The following MAP7D3 variants were observed in gnomAD, a reference collection of about 807,000 sequenced individuals.
MAP7D3 encodes the protein MAP7 domain containing 3.
MAP7D3 carries 45 observed loss-of-function variants against 62.2 expected under a neutral mutation model. The observed-to-expected ratio is 0.72, with a 90% CI of 0.57 to 0.93. MAP7D3 has a LOEUF of 0.93. MAP7D3 is among the 40% of genes least tolerant of loss of function. The probability of loss-of-function intolerance (pLI) is 0.00; values close to 1 mark genes in which losing one functional copy is unlikely to be tolerated. For missense variants in MAP7D3, 711 were observed against 683.1 expected (o/e 1.04, Z -0.45); for synonymous variants, 288 against 248.8 (o/e 1.16, Z -1.48).
intron 6 of MAP7D3, among the ~76,000 whole-genome samples, chrX:136,239,216 G>A (rs758008317): frequency 4.6e-4 from 52 of 111,870 alleles, no homozygotes; most frequent in Non-Finnish European, 9.2e-4. Flanking sequence ...CTACAAGCCA[G>A]ACATGGTTAT....
chrX:136,222,347 C>A, intron 15 of MAP7D3, 46 bp downstream of exon 15: 1 of 994,932 alleles, frequency 1.0e-6, no homozygotes, highest in South Asian at 2.0e-5. Context: ...GCAGAGGAGC[C>A]CCTGGATATG....
At chrX:136,251,593 C>G (rs1182227008), upstream of MAP7D3, 4 of 804,870 alleles carry the variant, frequency 5.0e-6, no homozygotes, top group African/African-American at 6.7e-5. Context: ...GAAACCCTCT[C>G]CTATGTTCCG....
chrX:136,239,593 G>A (rs1345511911), intron 6 of MAP7D3, among the ~76,000 whole-genome samples: 3 of 112,064 alleles, frequency 2.7e-5, no homozygotes, highest in Non-Finnish European at 5.6e-5. Context: ...ATACTTGTCT[G>A]TCAATTTTCT....
At position 136,251,339 on chromosome X, in the gene MAP7D3, G is replaced by A; in HGVS notation, c.20C>T (p.Ala7Val). The A allele has an allele frequency of 8.9e-7, 1 of 1,127,314 alleles. No homozygotes were observed. Among genetic ancestry groups the A allele is most frequent in the Non-Finnish European group, 1.2e-6 (1 of 859,424 alleles). The allele number at this position is 1,127,314 out of a possible 1,213,427, so 92.9% of individuals were successfully genotyped here. MMADGAAAGAGGSPSLR... is the reference protein window; with the variant it reads MMADGAVAGAGGSPSLR... ...GGATGGGCTGCCGCCAGCGCCAGCT[G>A]CGGCGCCGTCCGCCATCATCGGAGT... The change falls in exon 1 of 19, where the codon GCA (alanine) becomes GTA (valine). Residue 7 changes from alanine to valine, a missense_variant. Physicochemically the swap from Ala to Val is moderately conservative, Grantham distance 64 (BLOSUM62 0). Coordinates refer to ENST00000316077, the MANE Select transcript of MAP7D3 (RefSeq NM_024597.4).
chrX:136,247,474 G>C (rs967426381), intron 1 of MAP7D3, among the ~76,000 whole-genome samples: 2 of 111,318 alleles, frequency 1.8e-5, no homozygotes, highest in African/African-American at 6.5e-5. Context: ...GGGAATAGAG[G>C]GGCTGTCCTT....
chrX:136,234,135 A>G (rs963331379), intron 7 of MAP7D3, among the ~76,000 whole-genome samples: 1 of 110,730 alleles, frequency 9.0e-6, no homozygotes, highest in African/African-American at 3.3e-5. Flanking sequence ...ACTAACAGAG[A>G]AAAAGCAAAG....
chrX:136,224,855 G>A lies in MAP7D3; in HGVS notation c.2165C>T (p.Thr722Ile). ...TGAGGCATTCACATCTGTCTTTCTT[G>A]TCCGCTTCATAATTTCTTCTATTCT... is the stretch of plus-strand genomic sequence containing the variant. ...KKRIEEIMKR[T>I]RKTDVNASKV... Residue 722 changes from threonine to isoleucine, a missense_variant, in exon 14 of 19, where the codon ACA (threonine) becomes ATA (isoleucine). Transcript: ENST00000316077. The A allele has an allele frequency of 8.5e-7, 1 of 1,177,936 alleles. No individual in the cohort carries two copies. Among genetic ancestry groups the A allele is most frequent in the Non-Finnish European group, 1.2e-6 (1 of 865,017 alleles).
At chrX:136,240,032 A>G (rs1402326153) in intron 6 of MAP7D3, among the ~76,000 whole-genome samples, 1 of 110,868 alleles carries the variant, frequency 9.0e-6, no homozygotes, top group Non-Finnish European at 1.9e-5. Context: ...AACATGGTGA[A>G]ACCCCGTCTC....
upstream of MAP7D3, among the ~76,000 whole-genome samples, chrX:136,252,676 C>CAAAAAAAAAA (rs770751343): frequency 3.5e-3 from 125 of 35,892 alleles, no homozygotes; most frequent in African/African-American, 3.9e-3. Flanking sequence ...GACTCTGTCT[C>CAAAAAAAAAA]AAAAAAAAAA....
upstream of MAP7D3, among the ~76,000 whole-genome samples, chrX:136,253,018 A>G (rs1282149310): frequency 9.0e-6 from 1 of 111,087 alleles, no homozygotes; most frequent in African/African-American, 3.3e-5. Flanking sequence ...GAATCGCTTG[A>G]ACCCGGGAGG....
chrX:136,228,268 A>G (rs1447785401), intron 11 of MAP7D3, among the ~76,000 whole-genome samples: 1 of 112,184 alleles, frequency 8.9e-6, no homozygotes, highest in Non-Finnish European at 1.9e-5. Context: ...CAAGTCTTTT[A>G]AATAAAGGGC....
intron 6 of MAP7D3, among the ~76,000 whole-genome samples, chrX:136,238,287 T>C (rs1211082662): frequency 8.9e-6 from 1 of 111,938 alleles, no homozygotes; most frequent in Admixed American, 9.5e-5. Flanking sequence ...TCTAGATTCC[T>C]GAGGAATCGC....
At chrX:136,241,363 C>T in intron 4 of MAP7D3, 86 bp from the exon 5 acceptor site, 1 of 526,125 alleles carries the variant, frequency 1.9e-6, no homozygotes, top group African/African-American at 2.4e-5. Flanking sequence ...AAACCATAAC[C>T]AAATTTCTGT....
In MAP7D3 at chrX:136,244,735, T is replaced by G; in HGVS notation, c.314A>C (p.Gln105Pro). ...ERKTKLQYEK[Q>P]MEERQRKLKE... Reference sequence around the variant, plus strand: ...CAGCTTTCTCTGTCTTTCCTCCATCTGTTTTTCATATTGGAGCTTGGTCTT... The same window carrying G: ...CAGCTTTCTCTGTCTTTCCTCCATCGGTTTTTCATATTGGAGCTTGGTCTT... The change falls in exon 4 of 19, where the codon CAG becomes CCG. Residue 105 changes from glutamine to proline, a missense_variant. Transcript: ENST00000316077. The G allele has an allele frequency of 8.3e-7, 1 of 1,202,552 alleles. No homozygotes were observed. Among genetic ancestry groups the G allele is most frequent in the South Asian group, 1.8e-5 (1 of 56,406 alleles).
intron 6 of MAP7D3, among the ~76,000 whole-genome samples, chrX:136,239,121 C>T (rs1266360558): frequency 9.0e-6 from 1 of 111,374 alleles, no homozygotes; most frequent in African/African-American, 3.3e-5. Context: ...CCTTTTTTTC[C>T]TCTAGAAAGA....
rs1194038671 is a variant in MAP7D3 at position 136,230,424 on chromosome X, T to C, written c.1711A>G (p.Arg571Gly). ...KKETVSKTTN[R>G]CEALSQRHMI... ...TGCCTTTGGCTCAAAGCCTCACATCTGTTAGTGGTTTTAGAAACTGTTTCT... is the reference window on the plus strand; with the variant it reads ...TGCCTTTGGCTCAAAGCCTCACATCCGTTAGTGGTTTTAGAAACTGTTTCT... Residue 571 changes from arginine to glycine, a missense_variant, in exon 10 of 19, where the codon AGA becomes GGA. Physicochemically the swap from Arg to Gly is moderately radical, Grantham distance 125. Transcript: ENST00000316077. 3 of 1,202,121 alleles carry C rather than the reference T, an allele frequency of 2.5e-6. No homozygotes were observed. Among genetic ancestry groups the C allele is most frequent in the Non-Finnish European group, 3.4e-6 (3 of 888,168 alleles).
chrX:136,228,620 G>A lies in MAP7D3; in HGVS notation c.1886+3C>T. 1 of 1,204,255 alleles carries A rather than the reference G, an allele frequency of 8.3e-7. No homozygotes were observed. The highest frequency in any genetic ancestry group is 1.1e-6 in the Non-Finnish European group (1 of 892,181). ...AGTATAGGAAGGAAGACTTTGTGCT[G>A]ACCTTTGCTGCATTTCTTCCCGTTG... On this transcript the variant is annotated splice_donor_region_variant and intron_variant, in intron 11 of 18. Transcript: ENST00000316077.
chrX:136,220,683 G>C (rs2074116218), intron 16 of MAP7D3, 82 bp downstream of exon 16: 2 of 807,466 alleles, frequency 2.5e-6, no homozygotes, highest in East Asian at 3.1e-5. Flanking sequence ...AAGAGCACAA[G>C]AGATCATATT....
upstream of MAP7D3, among the ~76,000 whole-genome samples, chrX:136,255,621 C>T (rs896209048): frequency 9.0e-6 from 1 of 110,717 alleles, no homozygotes; most frequent in African/African-American, 3.3e-5. Flanking sequence ...GGAGCTCCCA[C>T]GAGACTGTAC....
Sources: gnomAD v4.1 joint callset for allele counts (sites outside exome capture counted in the v4.1 genomes callset) on GRCh38, gnomAD v4.1.1 for gene constraint, MANE v1.5 for transcripts, NCBI Gene and HGNC (gene_info 2026-07-23, HGNC 2026-07-21) for gene names.